The following COL4A6 variants were observed in gnomAD, a reference collection of about 807,000 sequenced individuals.
The protein encoded by COL4A6 is collagen alpha-6(IV) chain.
Under a neutral mutation model 126.7 loss-of-function variants are expected in COL4A6, and 59 were observed. That is an observed-to-expected ratio of 0.47 (90% CI 0.38 to 0.58). COL4A6 has a LOEUF of 0.58. COL4A6 is among the 20% of genes least tolerant of loss of function. COL4A6 has a pLI of 0.00. For synonymous variants in COL4A6, 547 were observed against 496.6 expected (o/e 1.10, Z -1.35); for missense variants, 1,285 against 1,337.3 (o/e 0.96, Z 0.61).
At chrX:108,282,793 T>C (rs1469469368) in intron 3 of COL4A6, among the ~76,000 whole-genome samples, 1 of 109,314 alleles carries the variant, frequency 9.1e-6, no homozygotes, top group Admixed American at 9.8e-5. Flanking sequence ...GTGGCACATA[T>C]ACATCATGGA....
chrX:108,196,426 G>T, intron 14 of COL4A6, 85 bp downstream of exon 14: 1 of 897,591 alleles, frequency 1.1e-6, no homozygotes, highest in Non-Finnish European at 1.6e-6. Context: ...TGGCAATCAA[G>T]TTGCAAAACA....
chrX:108,186,204 G>A (rs2034854249), intron 23 of COL4A6, among the ~76,000 whole-genome samples: 1 of 111,379 alleles, frequency 9.0e-6, no homozygotes, highest in African/African-American at 3.3e-5. Flanking sequence ...TGGCTGCAGT[G>A]TTCTTAATAG....
intron 3 of COL4A6, among the ~76,000 whole-genome samples, chrX:108,256,393 T>C (rs1247122149): frequency 8.9e-6 from 1 of 112,244 alleles, no homozygotes; most frequent in Admixed American, 9.4e-5. Context: ...GCATTTATTA[T>C]GTGTCAGGCA....
At position 108,187,170 on chromosome X, in the gene COL4A6, G is replaced by A. The variant is rs2034891720; in HGVS notation, c.1877C>T (p.Pro626Leu). The change falls in exon 23 of 45, where the codon CCT becomes CTT. Residue 626 changes from proline to leucine, a missense_variant. Coordinates refer to ENST00000334504, the MANE Select transcript of COL4A6 (RefSeq NM_033641.4). ...GLPGNGLPGL[P>L]GPRGLPGDKG... ...ATCTCCAGGAAGCCCACGGGGTCCA[G>A]GAAGTCCTGGTAACCCATTTCCTGG... 8.3e-7 allele frequency: 1 copy of A among 1,199,249 alleles called. No homozygotes were observed.
chrX:108,189,872 C>G (rs1199351067), intron 20 of COL4A6, among the ~76,000 whole-genome samples: 1 of 112,260 alleles, frequency 8.9e-6, no homozygotes, highest in Non-Finnish European at 1.9e-5. Flanking sequence ...CTTCCTTCCC[C>G]TGGCCTAAGC....
At chrX:108,293,656 T>G (rs2038236174) in intron 3 of COL4A6, among the ~76,000 whole-genome samples, 1 of 111,629 alleles carries the variant, frequency 9.0e-6, no homozygotes, top group Non-Finnish European at 1.9e-5. Context: ...AGGCAGGTTA[T>G]ACCCAACCTG....
chrX:108,174,691 T>C, intron 30 of COL4A6, 70 bp from the exon 31 acceptor site: 1 of 1,003,502 alleles, frequency 1.0e-6, no homozygotes, highest in South Asian at 2.4e-5. Flanking sequence ...AAGATGCAGG[T>C]GCCCCAGGTC....
chrX:108,274,362 G>T (rs1016275050), intron 3 of COL4A6, among the ~76,000 whole-genome samples: 5 of 111,294 alleles, frequency 4.5e-5, no homozygotes, highest in South Asian at 3.8e-4. Context: ...GTGGGTCTTG[G>T]GTATAAGGAT....
intron 3 of COL4A6, among the ~76,000 whole-genome samples, chrX:108,260,607 T>G (rs1219107785): frequency 9.0e-6 from 1 of 111,312 alleles, no homozygotes; most frequent in East Asian, 2.9e-4. Flanking sequence ...CCGCCATGAT[T>G]GTGAGGCCTC....
rs766253108 is a variant in COL4A6 at position 108,205,701 on chromosome X, T to G, written c.610-6A>C. 8.4e-7 allele frequency: 1 copy of G among 1,197,088 alleles called. No individual in the cohort carries two copies. The highest frequency in any genetic ancestry group is 1.8e-5 in the South Asian group (1 of 55,600). ...CCAGGAGGCCCTGGAGGACCCTAGA[T>G]TTTTTTTAAAAATAAGAAAGAGTTA... On this transcript the variant is annotated splice_polypyrimidine_tract_variant and splice_region_variant and intron_variant, in intron 9 of 44. Coordinates refer to ENST00000334504, the MANE Select transcript of COL4A6 (RefSeq NM_033641.4).
Position 108,176,971 on chromosome X carries a change from A to G in COL4A6, c.2556T>C (p.Pro852=). Residue 852 remains proline, a synonymous_variant, in exon 28 of 45, where the codon CCT becomes CCC. Transcript: ENST00000334504. ...GCCCTTTCTTTACAATTGATCCAGG[A>G]GGACCTTTCTTGCCTCTTGTTCCTT... is the stretch of plus-strand genomic sequence containing the variant. The part of the protein sequence containing the change: ...GKKGTRGKKG[P]PGSIVKKGLP... 8.3e-7 allele frequency: 1 copy of G among 1,211,845 alleles called. No homozygotes were observed.
chrX:108,310,108 A>G (rs765031448), intron 3 of COL4A6, among the ~76,000 whole-genome samples: 5 of 111,487 alleles, frequency 4.5e-5, no homozygotes, highest in African/African-American at 1.6e-4. Flanking sequence ...GGGGCTATGC[A>G]TATTCAGGGA....
chrX:108,156,285 C>T lies in COL4A6; in HGVS notation c.*715G>A, dbSNP rs1389064607. ...TGCTTTACTTTGAACCAGGCCACAT[C>T]CTCTGTCTCTGGCTGGAGGGGGAGC... is the stretch of plus-strand genomic sequence containing the variant. On this transcript the variant is annotated 3_prime_UTR_variant, in exon 45 of 45. Transcript: ENST00000334504. 1 of 111,719 alleles carries T rather than the reference C, an allele frequency of 9.0e-6. No individual in the cohort carries two copies. Among genetic ancestry groups the T allele is most frequent in the Non-Finnish European group, 1.9e-5 (1 of 53,168 alleles). 9.2% of individuals were successfully genotyped at this position (111,719 alleles called of 1,213,427 possible). A position where few individuals can be genotyped will look rare whatever the true frequency, so the allele number is the denominator to read the frequency against.
At chrX:108,330,048 TTA>T (rs58616634) in intron 2 of COL4A6, among the ~76,000 whole-genome samples, 7,475 of 110,034 alleles carry the variant, frequency 0.068, 572 homozygotes, top group African/African-American at 0.21. Flanking sequence ...GTCTAAACAG[TTA>T]TATATATATA....
intron 2 of COL4A6, among the ~76,000 whole-genome samples, chrX:108,407,346 A>T (rs955283469): frequency 8.9e-5 from 10 of 111,962 alleles, no homozygotes; most frequent in African/African-American, 2.9e-4. Flanking sequence ...AAAGGTTGGG[A>T]CTCTTGATTC....
intron 3 of COL4A6, among the ~76,000 whole-genome samples, chrX:108,236,186 T>G (rs2036425667): frequency 9.0e-6 from 1 of 111,721 alleles, no homozygotes; most frequent in African/African-American, 3.3e-5. Context: ...CTTCAAGTAC[T>G]TTCCCCTTCA....
At chrX:108,433,120 TAG>T (rs1293046127) in intron 2 of COL4A6, among the ~76,000 whole-genome samples, 2 of 111,851 alleles carry the variant, frequency 1.8e-5, no homozygotes, top group East Asian at 2.8e-4. Context: ...TTGAAGAGGT[TAG>T]AGTTATTAAA....
intron 16 of COL4A6, among the ~76,000 whole-genome samples, chrX:108,194,227 T>C (rs1056527557): frequency 8.9e-6 from 1 of 112,140 alleles, no homozygotes; most frequent in African/African-American, 3.2e-5. Context: ...GCATTGTCTG[T>C]AGAGAATTTA....
intron 3 of COL4A6, among the ~76,000 whole-genome samples, chrX:108,308,825 G>A (rs1409041281): frequency 8.9e-6 from 1 of 111,853 alleles, no homozygotes; most frequent in African/African-American, 3.3e-5. Flanking sequence ...CTATGCTAGA[G>A]ATGTATCTAT....
Sources: gnomAD v4.1 joint callset for allele counts (sites outside exome capture counted in the v4.1 genomes callset) on GRCh38, gnomAD v4.1.1 for gene constraint, MANE v1.5 for transcripts, NCBI Gene and HGNC (gene_info 2026-07-23, HGNC 2026-07-21) for gene names.